STPG4: variants seen among roughly 807,000 people sequenced by gnomAD.
STPG4 encodes the protein protein STPG4.
A neutral mutation model predicts 31.5 loss-of-function variants in STPG4; 41 were observed. That is an observed-to-expected ratio of 1.30 (90% confidence interval 1.01 to 1.69). STPG4 has a LOEUF of 1.69. STPG4 is among the 40% of genes most tolerant of loss of function. STPG4 has a pLI of 0.00. For synonymous variants in STPG4, 141 were observed against 103.0 expected (o/e 1.37, Z -2.24); for missense variants, 375 against 293.4 (o/e 1.28, Z -2.03).
At chr2:47,089,411 T>C (rs1336622174) in intron 6 of STPG4, among the ~76,000 whole-genome samples, 1 of 152,218 alleles carries the variant, frequency 6.6e-6, no homozygotes, top group African/African-American at 2.4e-5. Context: ...TAAGGAGGGC[T>C]ACGGGAGGTG....
At chr2:47,113,171 G>C (rs1242935634) in intron 5 of STPG4, among the ~76,000 whole-genome samples, 1 of 152,054 alleles carries the variant, frequency 6.6e-6, no homozygotes, top group Non-Finnish European at 1.5e-5. Flanking sequence ...TGATAAATAA[G>C]GCAGACAACA....
chr2:47,107,567 C>T (rs1365796327), intron 5 of STPG4, among the ~76,000 whole-genome samples: 2 of 152,158 alleles, frequency 1.3e-5, no homozygotes, highest in African/African-American at 4.8e-5. Flanking sequence ...CTCCCACCCC[C>T]TGTATGGGCT....
In STPG4 at chr2:47,152,910, A is replaced by G. The variant is rs756670155; in HGVS notation, c.141+47T>C. On this transcript the variant is annotated intron_variant, in intron 2 of 6. Coordinates refer to ENST00000445927, the MANE Select transcript of STPG4 (RefSeq NM_001163561.2). ...AAAGCTATAATTGATTAAAATATTA[A>G]TGGAATAGGAATAATGTGAATAGGA... 8 of 1,324,234 alleles carry G rather than the reference A, an allele frequency of 6.0e-6. No homozygotes were observed. In the Admixed American group the frequency reaches 1.2e-4, roughly 20 times the overall value. The allele number at this position is 1,324,234 out of a possible 1,614,324, so 82.0% of individuals were successfully genotyped here.
intron 3 of STPG4, among the ~76,000 whole-genome samples, chr2:47,130,655 G>C (rs6757205): frequency 0.84 from 128,096 of 152,060 alleles, 55,068 homozygotes; most frequent in South Asian, 0.95. Context: ...GCTGGGATTA[G>C]AGGTGCACAC....
chr2:47,116,421 C>T (rs1364501718), intron 5 of STPG4, among the ~76,000 whole-genome samples: 3 of 152,166 alleles, frequency 2.0e-5, no homozygotes, highest in Admixed American at 2.0e-4. Context: ...TTATAAGAAT[C>T]GACAGACTTA....
intron 3 of STPG4, among the ~76,000 whole-genome samples, chr2:47,150,978 C>T (rs530659133): frequency 4.5e-4 from 69 of 152,076 alleles, no homozygotes; most frequent in Middle Eastern, 3.4e-3. Flanking sequence ...CAGATAAGAT[C>T]CCAGGTGCTC....
chr2:47,137,926 C>T (rs11679167), intron 3 of STPG4, among the ~76,000 whole-genome samples: 110,213 of 152,018 alleles, frequency 0.72, 41,128 homozygotes, highest in East Asian at 0.92. Flanking sequence ...AGAATCAGCT[C>T]TGAGTTCCTT....
intron 3 of STPG4, among the ~76,000 whole-genome samples, chr2:47,146,282 G>T (rs1261180727): frequency 6.6e-6 from 1 of 152,214 alleles, no homozygotes. Context: ...TGGAAAAGTA[G>T]ATTGCTAATG....
chr2:47,090,496 G>A, intron 5 of STPG4, 122 bp from the exon 6 acceptor site: 1 of 666,332 alleles, frequency 1.5e-6, no homozygotes, highest in Non-Finnish European at 2.6e-6. Context: ...TCCCATATTT[G>A]GTCTCGAGAG....
At chr2:47,114,658 C>T (rs1686109561) in intron 5 of STPG4, among the ~76,000 whole-genome samples, 1 of 152,130 alleles carries the variant, frequency 6.6e-6, no homozygotes, top group African/African-American at 2.4e-5. Flanking sequence ...ATGAACTGAC[C>T]ACTTATAAAA....
chr2:47,110,278 C>T (rs1489127775), intron 5 of STPG4, among the ~76,000 whole-genome samples: 2 of 152,224 alleles, frequency 1.3e-5, no homozygotes, highest in Middle Eastern at 3.2e-3. Context: ...TCCTCAAACA[C>T]TGCCTGTTTT....
At chr2:47,092,854 G>A (rs1337254719) in intron 5 of STPG4, among the ~76,000 whole-genome samples, 2 of 151,516 alleles carry the variant, frequency 1.3e-5, no homozygotes, top group African/African-American at 2.4e-5. Flanking sequence ...GTGCAGTCAC[G>A]CCATCTCGGC....
intron 5 of STPG4, among the ~76,000 whole-genome samples, chr2:47,123,940 G>A (rs1351474556): frequency 6.6e-6 from 1 of 151,830 alleles, no homozygotes; most frequent in Non-Finnish European, 1.5e-5. Context: ...ATTTCTTTAT[G>A]TTACAAACAT....
At chr2:47,115,038 G>A (rs757228017) in intron 5 of STPG4, among the ~76,000 whole-genome samples, 12 of 152,150 alleles carry the variant, frequency 7.9e-5, no homozygotes, top group South Asian at 2.1e-4. Flanking sequence ...AAAGTGCTGC[G>A]ATTACAAGCA....
At chr2:47,105,738 A>G (rs1291780724) in intron 5 of STPG4, among the ~76,000 whole-genome samples, 1 of 152,032 alleles carries the variant, frequency 6.6e-6, no homozygotes, top group Non-Finnish European at 1.5e-5. Context: ...GTGCCCAGTT[A>G]GCAGAACTAG....
chr2:47,148,041 T>C (rs1686861384), intron 3 of STPG4, among the ~76,000 whole-genome samples: 1 of 150,300 alleles, frequency 6.7e-6, no homozygotes. Context: ...ACCCTCTACC[T>C]CCCGGGTTCA....
chr2:47,137,260 T>C (rs75053668), intron 3 of STPG4, among the ~76,000 whole-genome samples: 5,035 of 152,322 alleles, frequency 0.033, 126 homozygotes, highest in Non-Finnish European at 0.048. Context: ...TTTTCTTTTT[T>C]AGCTGTTGAT....
rs200257521 is a variant in STPG4 at position 47,141,557 on chromosome 2, C to CA, written c.399+9700dup. ...AGGGGCTCTTTGAGAAGTCCTGCCT[C>CA]AAAAAAAAAAAAAAAATCTGCTAAA... On this transcript the variant is annotated intron_variant, in intron 3 of 6. Transcript: ENST00000445927. 6.8e-3 allele frequency among the ~76,000 whole-genome samples: 952 copies of CA among 140,252 alleles called. 1 individual carries two copies. The highest frequency in any genetic ancestry group is 0.014 in the African/African-American group (513 of 37,878). 92.0% of individuals were successfully genotyped at this position (140,252 alleles called of 152,430 possible). A position where few individuals can be genotyped will look rare whatever the true frequency, so the allele number is the denominator to read the frequency against.
intron 5 of STPG4, among the ~76,000 whole-genome samples, chr2:47,106,662 G>T (rs1028600319): frequency 6.6e-6 from 1 of 151,852 alleles, no homozygotes; most frequent in Non-Finnish European, 1.5e-5. Flanking sequence ...ACCAGTCAAG[G>T]ATAGTATGAG....
Sources: gnomAD v4.1 joint callset for allele counts (sites outside exome capture counted in the v4.1 genomes callset) on GRCh38, gnomAD v4.1.1 for gene constraint, MANE v1.5 for transcripts, NCBI Gene and HGNC (gene_info 2026-07-23, HGNC 2026-07-21) for gene names.